Variants in GPC5 observed in about 807,000 individuals in gnomAD.
The protein encoded by GPC5 is glypican 5, also known as glypican-5.
GPC5 carries 47 observed loss-of-function variants against 53.9 expected under a neutral mutation model. The ratio of observed to expected loss-of-function variants is 0.87; its 90% CI spans 0.69 to 1.11. GPC5 has a LOEUF of 1.11. Among genes scored for constraint, GPC5 ranks in the 50% most tolerant of loss-of-function variants. The pLI, the probability that GPC5 is intolerant of heterozygous loss-of-function variation, is 0.00. For missense variants in GPC5, 748 were observed against 713.1 expected (o/e 1.05, Z -0.56); for synonymous variants, 286 against 263.3 (o/e 1.09, Z -0.84).
chr13:91,531,404 A>G (rs528473561), intron 2 of GPC5, among the ~76,000 whole-genome samples: 1 of 152,250 alleles, frequency 6.6e-6, no homozygotes, highest in Non-Finnish European at 1.5e-5. Context: ...TGGCAAGCCT[A>G]TTGACTTTCT....
At chr13:92,739,915 C>T (rs1247582399) in intron 7 of GPC5, among the ~76,000 whole-genome samples, 1 of 151,846 alleles carries the variant, frequency 6.6e-6, no homozygotes, top group East Asian at 1.9e-4. Context: ...TTTCATTTTT[C>T]CTTCCCTAAT....
At chr13:92,273,571 T>C (rs747986509) in intron 7 of GPC5, among the ~76,000 whole-genome samples, 1 of 152,036 alleles carries the variant, frequency 6.6e-6, no homozygotes, top group Non-Finnish European at 1.5e-5. Context: ...GAAGGTGATG[T>C]GATACTCTTA....
chr13:91,723,647 C>T (rs461726), intron 3 of GPC5, among the ~76,000 whole-genome samples: 149,462 of 152,158 alleles, frequency 0.98, 73,420 homozygotes, highest in East Asian at 1. Flanking sequence ...ATACCATTCA[C>T]TGCACTCATA....
At chr13:92,843,080 A>G (rs1168000356) in intron 7 of GPC5, among the ~76,000 whole-genome samples, 4 of 152,190 alleles carry the variant, frequency 2.6e-5, no homozygotes, top group Non-Finnish European at 5.9e-5. Flanking sequence ...AGACTGTTAA[A>G]TTATTTTCAA....
At chr13:92,115,820 G>A (rs796678603) in intron 6 of GPC5, among the ~76,000 whole-genome samples, 13 of 150,550 alleles carry the variant, frequency 8.6e-5, no homozygotes, top group African/African-American at 2.9e-4. Flanking sequence ...CACCCCCACC[G>A]CAAAATTCCT....
At chr13:91,917,457 C>T (rs79468401) in intron 6 of GPC5, among the ~76,000 whole-genome samples, 4,748 of 152,212 alleles carry the variant, frequency 0.031, 236 homozygotes, top group African/African-American at 0.11. Flanking sequence ...GCAGTAGGGT[C>T]CAAGCTGTTG....
At chr13:92,851,262 C>T (rs1409502726) in intron 7 of GPC5, among the ~76,000 whole-genome samples, 3 of 152,090 alleles carry the variant, frequency 2.0e-5, no homozygotes, top group Non-Finnish European at 2.9e-5. Context: ...GAGATTTGGA[C>T]GGGGACACAG....
intron 2 of GPC5, among the ~76,000 whole-genome samples, chr13:91,474,868 T>C (rs1882841765): frequency 6.6e-6 from 1 of 152,186 alleles, no homozygotes; most frequent in Non-Finnish European, 1.5e-5. Context: ...TTACACTTAT[T>C]GGATATTTAC....
At chr13:92,006,513 C>T (rs568400976) in intron 6 of GPC5, among the ~76,000 whole-genome samples, 4 of 152,262 alleles carry the variant, frequency 2.6e-5, no homozygotes, top group Non-Finnish European at 5.9e-5. Flanking sequence ...TTGTCTAGCA[C>T]AAAAGTGCCT....
intron 7 of GPC5, among the ~76,000 whole-genome samples, chr13:92,589,328 C>A (rs1429458453): frequency 6.6e-6 from 1 of 152,128 alleles, no homozygotes; most frequent in Non-Finnish European, 1.5e-5. Flanking sequence ...TTCAGTGCAG[C>A]AAGGAAGCAT....
chr13:92,519,404 A>C (rs1400681421), intron 7 of GPC5, among the ~76,000 whole-genome samples: 1 of 152,228 alleles, frequency 6.6e-6, no homozygotes, highest in African/African-American at 2.4e-5. Context: ...CAAATGTAAA[A>C]GAACAGAAAT....
At chr13:91,605,256 A>T (rs1278093374) in intron 2 of GPC5, among the ~76,000 whole-genome samples, 1 of 145,884 alleles carries the variant, frequency 6.9e-6, no homozygotes, top group African/African-American at 2.6e-5. Context: ...CAAAGATCAG[A>T]TAGTTGTAGA....
chr13:91,497,192 C>G (rs1012880442), intron 2 of GPC5, among the ~76,000 whole-genome samples: 1 of 151,860 alleles, frequency 6.6e-6, no homozygotes, highest in Non-Finnish European at 1.5e-5. Flanking sequence ...ATATATAGAT[C>G]TAGCTTTGAG....
At chr13:91,879,439 C>G (rs1272521505) in intron 5 of GPC5, among the ~76,000 whole-genome samples, 4 of 152,152 alleles carry the variant, frequency 2.6e-5, no homozygotes, top group African/African-American at 9.7e-5. Context: ...TTATAAACAA[C>G]AGAAAGGAAT....
chr13:91,932,988 T>C (rs1297996377), intron 6 of GPC5, among the ~76,000 whole-genome samples: 1 of 152,058 alleles, frequency 6.6e-6, no homozygotes, highest in Admixed American at 6.6e-5. Context: ...TGCTTTTTGC[T>C]GTTGCTTTGT....
intron 2 of GPC5, among the ~76,000 whole-genome samples, chr13:91,571,376 A>G (rs2031772170): frequency 6.6e-6 from 1 of 152,140 alleles, no homozygotes; most frequent in Admixed American, 6.6e-5. Context: ...CTGGTCATTA[A>G]CAGAGAATGT....
At chr13:92,372,893 T>C (rs1432106282) in intron 7 of GPC5, among the ~76,000 whole-genome samples, 2 of 152,236 alleles carry the variant, frequency 1.3e-5, no homozygotes, top group Non-Finnish European at 2.9e-5. Flanking sequence ...TATTATGTTA[T>C]AGAACAAGGA....
intron 1 of GPC5, among the ~76,000 whole-genome samples, chr13:91,410,339 C>CTTTTTTTTTTTTTTTTTTTTTTTTTTTT (rs66787310): frequency 1.1e-5 from 1 of 89,838 alleles, no homozygotes; most frequent in Non-Finnish European, 2.1e-5. Context: ...CGTTTCCATT[C>CTTTTTTTTTTTTTTTTTTTTTTTTTTTT]TTTTTTTTTT....
intron 5 of GPC5, among the ~76,000 whole-genome samples, chr13:91,899,329 A>G (rs72633711): frequency 4.6e-5 from 7 of 152,174 alleles, no homozygotes; most frequent in Non-Finnish European, 8.8e-5. Context: ...AAAGCTAATT[A>G]TTTTTCTTGT....
Sources: allele counts gnomAD v4.1 joint callset (sites outside exome capture counted in the v4.1 genomes callset), GRCh38; gene constraint gnomAD v4.1.1; transcripts MANE v1.5; gene names NCBI Gene and HGNC (gene_info 2026-07-23, HGNC 2026-07-21).